The following WDR49 variants were observed in gnomAD, a reference collection of about 807,000 sequenced individuals.
The protein encoded by WDR49 is cilia- and flagella-associated protein 337.
A neutral mutation model predicts 119.5 loss-of-function variants in WDR49; 107 were observed. The observed-to-expected ratio is 0.90, with a 90% CI of 0.77 to 1.05. The LOEUF (loss-of-function observed/expected upper bound fraction) is 1.05. WDR49 is among the 50% of genes least tolerant of loss of function. WDR49 has a pLI of 0.00. For synonymous variants in WDR49, 425 were observed against 418.8 expected (o/e 1.01, Z -0.18); for missense variants, 1,240 against 1,220.5 (o/e 1.02, Z -0.24).
chr3:167,486,427 G>A (rs938749246), intron 18 of WDR49, among the ~76,000 whole-genome samples: 2 of 151,946 alleles, frequency 1.3e-5, no homozygotes, highest in African/African-American at 4.8e-5. Context: ...ATGTAAATGG[G>A]CTAAACACCT....
chr3:167,528,073 T>A (rs1468503099), intron 14 of WDR49, 56 bp from the exon 15 acceptor site: 1 of 1,482,026 alleles, frequency 6.7e-7, no homozygotes, highest in Non-Finnish European at 9.3e-7. Context: ...ATGATTACAA[T>A]GACATAACAC....
At chr3:167,525,979 C>T (rs1365343346) in intron 15 of WDR49, among the ~76,000 whole-genome samples, 3 of 151,188 alleles carry the variant, frequency 2.0e-5, no homozygotes, top group Non-Finnish European at 4.4e-5. Context: ...ACTAATGGCA[C>T]TTATATTCAA....
At chr3:167,641,967 T>C (rs1717904374) in intron 2 of WDR49, among the ~76,000 whole-genome samples, 1 of 151,856 alleles carries the variant, frequency 6.6e-6, no homozygotes, top group South Asian at 2.1e-4. Context: ...TACATGTATT[T>C]AAAAAACAAA....
intron 15 of WDR49, among the ~76,000 whole-genome samples, chr3:167,525,859 AAC>A (rs1451565712): frequency 3.0e-3 from 17 of 5,694 alleles, no homozygotes; most frequent in East Asian, 0.071. Flanking sequence ...ACAAACAAAC[AAC>A]AAAAAAAAAC....
chr3:167,529,206 C>T lies in WDR49; in HGVS notation c.2252G>A (p.Gly751Asp). 1 of 1,606,848 alleles carries T rather than the reference C, an allele frequency of 6.2e-7. No homozygotes were observed. Among genetic ancestry groups the T allele is most frequent in the Non-Finnish European group, 8.5e-7 (1 of 1,177,612 alleles). ...GANLVSCGGS[G>D]YVRFWDIYKK... ...ATATATATCCCAAAATCTGACATAA[C>T]CAGATCCTCCACATGATACCAGGTT... is the stretch of plus-strand genomic sequence containing the variant. The change falls in exon 14 of 19, where the codon GGT becomes GAT. Residue 751 changes from glycine to aspartate, a missense_variant. By Grantham distance (94) the Gly-to-Asp change is moderately conservative. Coordinates refer to ENST00000682715, the MANE Select transcript of WDR49 (RefSeq NM_001366157.1).
intron 5 of WDR49, among the ~76,000 whole-genome samples, chr3:167,619,299 T>C (rs1716751185): frequency 6.6e-6 from 1 of 152,200 alleles, no homozygotes; most frequent in African/African-American, 2.4e-5. Flanking sequence ...CCATTCTGTA[T>C]ATTTTTAATA....
chr3:167,649,590 C>T (rs1289128951), intron 2 of WDR49, among the ~76,000 whole-genome samples: 1 of 152,188 alleles, frequency 6.6e-6, no homozygotes, highest in South Asian at 2.1e-4. Flanking sequence ...TACTGAACTT[C>T]TCCAGTCTTT....
intron 5 of WDR49, among the ~76,000 whole-genome samples, chr3:167,608,751 G>A (rs1716183465): frequency 6.6e-6 from 1 of 152,058 alleles, no homozygotes; most frequent in Non-Finnish European, 1.5e-5. Context: ...AGGATGAGCT[G>A]GTAAAATAAA....
intron 7 of WDR49, among the ~76,000 whole-genome samples, chr3:167,600,022 G>T (rs904677110): frequency 2.0e-4 from 31 of 152,080 alleles, no homozygotes; most frequent in Non-Finnish European, 2.9e-5. Flanking sequence ...GATATGTCTA[G>T]AAATGTTATC....
rs1034868064 is a variant in WDR49 at position 167,620,329 on chromosome 3, T to G, written c.958+100A>C. ...AACCTCCAGAGAACCAATTATTGGT[T>G]TCTAGACTTAAAGGTTTTGTGTGAA... On this transcript the variant is annotated intron_variant, in intron 5 of 18. Coordinates refer to ENST00000682715, the MANE Select transcript of WDR49 (RefSeq NM_001366157.1). 3 of 1,259,360 alleles carry G rather than the reference T, an allele frequency of 2.4e-6. No individual in the cohort carries two copies. In the Admixed American group the frequency reaches 8.7e-5, roughly 36 times the overall value. The allele number at this position is 1,259,360 out of a possible 1,614,324, so 78.0% of individuals were successfully genotyped here.
intron 18 of WDR49, among the ~76,000 whole-genome samples, chr3:167,483,443 A>C (rs766182429): frequency 6.6e-6 from 1 of 152,202 alleles, no homozygotes; most frequent in South Asian, 2.1e-4. Flanking sequence ...TAAGTCTGTA[A>C]GATATTAAGA....
intron 18 of WDR49, among the ~76,000 whole-genome samples, chr3:167,486,581 C>T (rs1031391073): frequency 3.3e-5 from 5 of 151,832 alleles, no homozygotes; most frequent in African/African-American, 9.7e-5. Context: ...AAACAGAAAA[C>T]AAAAAAGAGC....
chr3:167,532,798 T>A, intron 12 of WDR49, 81 bp downstream of exon 12: 1 of 891,712 alleles, frequency 1.1e-6, no homozygotes, highest in Non-Finnish European at 1.7e-6. Flanking sequence ...TAGGATCAAG[T>A]CGCATCAGGC....
intron 7 of WDR49, among the ~76,000 whole-genome samples, chr3:167,576,882 T>C (rs896937980): frequency 2.6e-5 from 4 of 152,196 alleles, no homozygotes; most frequent in Non-Finnish European, 5.9e-5. Flanking sequence ...TGTATACATA[T>C]ATATGTATAT....
At chr3:167,522,588 G>T in intron 15 of WDR49, 104 bp from the exon 16 acceptor site, 2 of 1,172,160 alleles carry the variant, frequency 1.7e-6, no homozygotes, top group Non-Finnish European at 1.2e-6. Flanking sequence ...GTCCTGGGGT[G>T]GGACACACAA....
intron 15 of WDR49, among the ~76,000 whole-genome samples, chr3:167,523,216 T>A (rs775560109): frequency 6.6e-6 from 1 of 151,986 alleles, no homozygotes; most frequent in Non-Finnish European, 1.5e-5. Flanking sequence ...TCAAATAATA[T>A]CAATGAATGA....
chr3:167,527,881 G>A lies in WDR49; in HGVS notation c.2543C>T (p.Ser848Phe). Residue 848 changes from serine (S) to phenylalanine (F), a missense_variant, in exon 15 of 19, where the codon TCT becomes TTT. Physicochemically the swap from Ser to Phe is radical, Grantham distance 155. Coordinates refer to ENST00000682715, the MANE Select transcript of WDR49 (RefSeq NM_001366157.1). ...PGGQLLIISS[S>F]ADCSICVTGV... The stretch of plus-strand genomic sequence containing the variant: ...AGTCACACAAATACTGCAGTCTGCA[G>A]AGGAGGAGATAATCAGTAACTGACC... The A allele has an allele frequency of 6.2e-7, 1 of 1,613,242 alleles. No homozygotes were observed. Among genetic ancestry groups the A allele is most frequent in the South Asian group, 1.1e-5 (1 of 91,062 alleles).
intron 17 of WDR49, among the ~76,000 whole-genome samples, chr3:167,503,192 A>G (rs560912017): frequency 6.6e-6 from 1 of 152,358 alleles, no homozygotes; most frequent in African/African-American, 2.4e-5. Context: ...TTAAGCCTGC[A>G]GGTACACAGA....
intron 18 of WDR49, among the ~76,000 whole-genome samples, chr3:167,488,702 G>A (rs1405906258): frequency 6.6e-6 from 1 of 152,006 alleles, no homozygotes. Context: ...AACAGCCAGT[G>A]TCTAGATGAA....
Sources: allele counts gnomAD v4.1 joint callset (sites outside exome capture counted in the v4.1 genomes callset), GRCh38; gene constraint gnomAD v4.1.1; transcripts MANE v1.5; gene names NCBI Gene and HGNC (gene_info 2026-07-23, HGNC 2026-07-21).